MYBPH: variants seen among roughly 807,000 people sequenced by gnomAD.
MYBPH encodes the protein myosin binding protein H, also known as myosin-binding protein H.
MYBPH carries 49 observed loss-of-function variants against 53.6 expected under a neutral mutation model. The observed-to-expected ratio is 0.91, with a 90% confidence interval of 0.73 to 1.16. The LOEUF is 1.16. Ranked by LOEUF, MYBPH falls within the 50% of genes most tolerant of loss-of-function variation. MYBPH has a pLI of 0.00. For synonymous variants in MYBPH, 239 were observed against 249.6 expected (o/e 0.96, Z 0.40); for missense variants, 558 against 624.1 (o/e 0.89, Z 1.13).
rs12145010 is a variant in MYBPH, at chr1:203,175,705, G to A, written c.51C>T (p.Thr17=). Residue 17 remains threonine (T), a synonymous_variant, in exon 1 of 11, where the codon ACC becomes ACT. Coordinates refer to ENST00000255416, the MANE Select transcript of MYBPH (RefSeq NM_004997.3). ...TGGGCACCTTGGCAGATTCAGATGC[G>A]GTCTCCTCTGGACTGCAGGCAGGGC... ...SEGPACSPEE[T]ASESAKVPTA... is the part of the protein sequence containing the mutation. 0.057 allele frequency: 92,175 copies of A among 1,614,016 alleles called. 5,035 individuals are homozygous for A. The highest frequency in any genetic ancestry group is 0.34 in the East Asian group (15,370 of 44,842).
rs1398026270 is a variant in MYBPH at position 203,174,611 on chromosome 1, G to A, written c.341-14C>T. ...CCCACTCCGAGGCTGAGGGGATGGA[G>A]AGAGTGTGAGGTCTTTGCAATGTGG... is the stretch of plus-strand genomic sequence containing the variant. On this transcript the variant is annotated splice_polypyrimidine_tract_variant and intron_variant, in intron 2 of 10. Coordinates refer to ENST00000255416, the MANE Select transcript of MYBPH (RefSeq NM_004997.3). The A allele has an allele frequency of 1.3e-6, 2 of 1,583,096 alleles. No individual in the cohort carries two copies. The highest frequency in any genetic ancestry group is 2.3e-5 in the East Asian group (1 of 44,038).
At chr1:203,176,458 G>T (rs933269769), upstream of MYBPH, among the ~76,000 whole-genome samples, 2 of 152,194 alleles carry the variant, frequency 1.3e-5, no homozygotes, top group Admixed American at 6.5e-5. Context: ...CGGCTGGTAA[G>T]GAGCTCGTCT....
chr1:203,168,405 G>A (rs754677039), intron 10 of MYBPH, among the ~76,000 whole-genome samples: 10 of 152,154 alleles, frequency 6.6e-5, no homozygotes, highest in Non-Finnish European at 1.5e-4. Flanking sequence ...GTTGTGTGGC[G>A]GTCCACGGAA....
At chr1:203,176,671 C>A (rs1375514026), upstream of MYBPH, among the ~76,000 whole-genome samples, 1 of 152,130 alleles carries the variant, frequency 6.6e-6, no homozygotes, top group Non-Finnish European at 1.5e-5. Flanking sequence ...GATTTCTAGT[C>A]ATTGATTCAT....
chr1:203,172,474 C>G (rs559980169), intron 3 of MYBPH, among the ~76,000 whole-genome samples: 1 of 152,266 alleles, frequency 6.6e-6, no homozygotes, highest in East Asian at 1.9e-4. Flanking sequence ...CTCTAATATC[C>G]CCAGCTCTCC....
intron 3 of MYBPH, among the ~76,000 whole-genome samples, chr1:203,173,103 CCCT>C (rs1655732422): frequency 6.6e-6 from 1 of 152,192 alleles, no homozygotes; most frequent in South Asian, 2.1e-4. Flanking sequence ...AGCCTCCTCT[CCCT>C]CTTCTCTCCA....
At position 203,171,397 on chromosome 1, in the gene MYBPH, T is replaced by G; in HGVS notation, c.779A>C (p.Asp260Ala). 1 of 1,613,158 alleles carries G rather than the reference T, an allele frequency of 6.2e-7. No homozygotes were observed. Among genetic ancestry groups the G allele is most frequent in the Non-Finnish European group, 8.5e-7 (1 of 1,179,592 alleles). Reference protein sequence around the residue: ...VEDLEAKAVIDILVIEKPGPP... With the variant: ...VEDLEAKAVIAILVIEKPGPP... Reference sequence around the variant, plus strand: ...TGGCTCCATACCAATCACCAGGATGTCAATGACTGCCTTGGCCTCCAGGTC... The same window carrying G: ...TGGCTCCATACCAATCACCAGGATGGCAATGACTGCCTTGGCCTCCAGGTC... Residue 260 changes from aspartate to alanine, a missense_variant, in exon 5 of 11, where the codon GAC becomes GCC. Physicochemically the swap from Asp to Ala is moderately radical, Grantham distance 126 (BLOSUM62 -2). Transcript: ENST00000255416. This position sits in a 1 kb window ranked among gnomAD's most constrained non-coding sequence, Gnocchi z 4.2.
rs745811033 is a variant in MYBPH, at chr1:203,175,743, T to C, written c.13A>G (p.Asn5Asp). MMEK[N>D]TSEGPACSPE... ...CTGCAGGCAGGGCCCTCGGAGGTGT[T>C]TTTTTCCATCATTGCTGGACTGGCT... Residue 5 changes from asparagine (N) to aspartate (D), a missense_variant, in exon 1 of 11, where the codon AAC becomes GAC. By Grantham distance (23) the Asn-to-Asp change is conservative (BLOSUM62 1). Coordinates refer to ENST00000255416, the MANE Select transcript of MYBPH (RefSeq NM_004997.3). The C allele has an allele frequency of 6.2e-7, 1 of 1,613,948 alleles. No individual in the cohort carries two copies. Among genetic ancestry groups the C allele is most frequent in the Non-Finnish European group, 8.5e-7 (1 of 1,179,982 alleles).
chr1:203,171,319 C>G lies in MYBPH; in HGVS notation c.793+64G>C. The G allele has an allele frequency of 1.3e-6, 2 of 1,571,132 alleles. No homozygotes were observed. Among genetic ancestry groups the G allele is most frequent in the East Asian group, 4.5e-5 (2 of 44,418 alleles). On this transcript the variant is annotated intron_variant, in intron 5 of 10. Transcript: ENST00000255416. This position sits in a 1 kb window ranked among gnomAD's most constrained non-coding sequence, Gnocchi z 4.2. ...GGCCTGCTCCCATCAGCCATCAGCT[C>G]TGGGATAGGAGGTTGGGGGCTCCAG...
At chr1:203,170,977 G>A (rs1281263669) in intron 6 of MYBPH, 84 bp downstream of exon 6, 18 of 1,487,128 alleles carry the variant, frequency 1.2e-5, no homozygotes, top group East Asian at 4.6e-5. Context: ...CCCTAGACTC[G>A]GTCCCTAGAC....
Position 203,171,129 on chromosome 1 carries a change from G to A in MYBPH, c.865C>T (p.Pro289Ser). The change falls in exon 6 of 11, where the codon CCA becomes TCA. Residue 289 changes from proline (P) to serine (S), a missense_variant. Coordinates refer to ENST00000255416, the MANE Select transcript of MYBPH (RefSeq NM_004997.3). The surrounding 1 kb of genome is among the most constrained non-coding windows in gnomAD (Gnocchi z 4.2). ...TCTGTGTTGCCTGTGTCCTGGGGTG[G>A]CGTCCACTGAAGAGCAGCATTGCAG... ...WGCNAALQWT[P>S]PQDTGNTELL... The A allele has an allele frequency of 6.2e-7, 1 of 1,613,534 alleles. No individual in the cohort carries two copies. Among genetic ancestry groups the A allele is most frequent in the African/African-American group, 1.3e-5 (1 of 75,022 alleles).
Position 203,174,574 on chromosome 1 carries a change from C to A in MYBPH, c.364G>T (p.Ala122Ser), listed in dbSNP as rs146976016. 5 of 1,605,964 alleles carry A rather than the reference C, an allele frequency of 3.1e-6. No individual in the cohort carries two copies. The Admixed American group carries it at 6.7e-5, about 21-fold the overall frequency. Residue 122 changes from alanine (A) to serine (S), a missense_variant, in exon 3 of 11, where the codon GCC becomes TCC. Ala to Ser is a moderately conservative substitution (Grantham distance 99). Coordinates refer to ENST00000255416, the MANE Select transcript of MYBPH (RefSeq NM_004997.3). ...EGASEWVPVSARPMMVTQQTV... is the reference protein window; with the variant it reads ...EGASEWVPVSSRPMMVTQQTV... ...TGCTGGGTCACCATCATGGGCCGGGCACTCACAGGCACCCACTCCGAGGCT... is the reference window on the plus strand; with the variant it reads ...TGCTGGGTCACCATCATGGGCCGGGAACTCACAGGCACCCACTCCGAGGCT...
At chr1:203,173,836 C>G (rs1326410154) in intron 3 of MYBPH, among the ~76,000 whole-genome samples, 1 of 152,178 alleles carries the variant, frequency 6.6e-6, no homozygotes, top group East Asian at 1.9e-4. Context: ...GGGAGGGGAG[C>G]GAGGGGAGGA....
chr1:203,174,711 C>T (rs1024429003), intron 2 of MYBPH, 114 bp from the exon 3 acceptor site: 1 of 1,171,462 alleles, frequency 8.5e-7, no homozygotes, highest in Non-Finnish European at 1.2e-6. Context: ...CTCTGGGCCT[C>T]ATTTTCCCCT....
At chr1:203,169,504 A>T in intron 7 of MYBPH, 115 bp from the exon 8 acceptor site, 1 of 1,412,850 alleles carries the variant, frequency 7.1e-7, no homozygotes, top group Middle Eastern at 1.8e-4. Flanking sequence ...ATTTGCAGGA[A>T]CTTGGACAAT....
chr1:203,169,307 G>A lies in MYBPH; in HGVS notation c.1176C>T (p.Thr392=). ...ACTGGGTGCTGTAGCCAGGGGTGGA[G>A]GTGTGGTCAGCCAGGGGCTGGGTGA... is the stretch of plus-strand genomic sequence containing the variant. ...PSFTQPLADH[T]STPGYSTQLF... Residue 392 remains threonine (T), a synonymous_variant, in exon 8 of 11, where the codon ACC becomes ACT. Coordinates refer to ENST00000255416, the MANE Select transcript of MYBPH (RefSeq NM_004997.3). 6.2e-7 allele frequency: 1 copy of A among 1,613,616 alleles called. No individual in the cohort carries two copies. Among genetic ancestry groups the A allele is most frequent in the South Asian group, 1.1e-5 (1 of 91,000 alleles).
At chr1:203,170,846 T>A (rs1298312810) in intron 6 of MYBPH, among the ~76,000 whole-genome samples, 1 of 152,190 alleles carries the variant, frequency 6.6e-6, no homozygotes, top group Admixed American at 6.5e-5. Flanking sequence ...TTGAAAGGCT[T>A]CAGACAGCCC....
chr1:203,168,850 TC>T, intron 9 of MYBPH, 55 bp downstream of exon 9: 1 of 1,602,516 alleles, frequency 6.2e-7, no homozygotes, highest in African/African-American at 1.3e-5. Flanking sequence ...GTCTGCTGCC[TC>T]TAGTCCAGTT....
intron 6 of MYBPH, 21 bp from the exon 7 acceptor site, chr1:203,170,471 C>T: frequency 6.2e-7 from 1 of 1,611,522 alleles, no homozygotes; most frequent in South Asian, 1.1e-5. Context: ...CCGGGTGTCA[C>T]CCTCATTTCT....
Sources: allele counts gnomAD v4.1 joint callset (sites outside exome capture counted in the v4.1 genomes callset), GRCh38; gene constraint gnomAD v4.1.1; non-coding constraint Gnocchi (gnomAD v3.1); transcripts MANE v1.5; gene names NCBI Gene and HGNC (gene_info 2026-07-23, HGNC 2026-07-21).